Variants in ERC2 observed in about 807,000 individuals in gnomAD.
The protein encoded by ERC2 is ERC protein 2.
A neutral mutation model predicts 114.8 loss-of-function variants in ERC2; 42 were observed. The observed-to-expected ratio is 0.37, with a 90% CI of 0.29 to 0.47. The LOEUF (loss-of-function observed/expected upper bound fraction) is 0.47, where lower values mean the gene tolerates loss of function less well. ERC2 is among the 20% of genes least tolerant of loss of function. The pLI is 0.99. For synonymous variants in ERC2, 454 were observed against 425.5 expected (o/e 1.07, Z -0.82); for missense variants, 939 against 1,150.7 (o/e 0.82, Z 2.66).
chr3:55,903,943 G>A (rs2064283962), intron 13 of ERC2, among the ~76,000 whole-genome samples: 1 of 152,198 alleles, frequency 6.6e-6, no homozygotes, highest in Non-Finnish European at 1.5e-5. Context: ...TCAACAGCAG[G>A]AACAGAGGGC....
At chr3:55,896,015 C>CA (rs1488607701) in intron 13 of ERC2, among the ~76,000 whole-genome samples, 1 of 152,176 alleles carries the variant, frequency 6.6e-6, no homozygotes, top group Non-Finnish European at 1.5e-5. Flanking sequence ...CACAGAGACA[C>CA]AATAAAGATG....
At chr3:56,105,734 A>T (rs1239731660) in intron 6 of ERC2, among the ~76,000 whole-genome samples, 1 of 152,208 alleles carries the variant, frequency 6.6e-6, no homozygotes, top group Non-Finnish European at 1.5e-5. Context: ...CACAATCCAG[A>T]TAAGAATTGA....
At chr3:56,241,884 G>T (rs1237681168) in intron 3 of ERC2, among the ~76,000 whole-genome samples, 1 of 152,168 alleles carries the variant, frequency 6.6e-6, no homozygotes, top group Non-Finnish European at 1.5e-5. Flanking sequence ...TGTAAATAAA[G>T]CTGTATTTGA....
chr3:55,786,694 A>G (rs2069525804), intron 14 of ERC2, among the ~76,000 whole-genome samples: 1 of 152,196 alleles, frequency 6.6e-6, no homozygotes, highest in Non-Finnish European at 1.5e-5. Context: ...TCAACTCCAA[A>G]GTTCAGGTTC....
chr3:55,676,441 CTTATTATTATTA>C (rs71619901), intron 17 of ERC2, among the ~76,000 whole-genome samples: 24 of 142,198 alleles, frequency 1.7e-4, no homozygotes, highest in Non-Finnish European at 2.9e-4. Flanking sequence ...TACTGAGCTG[CTTATTATTATTA>C]TTATTATTAT....
intron 14 of ERC2, among the ~76,000 whole-genome samples, chr3:55,831,801 G>T (rs575211971): frequency 1.3e-5 from 2 of 152,326 alleles, no homozygotes; most frequent in African/African-American, 4.8e-5. Context: ...GCAGGGCGAG[G>T]CATTGCCTCA....
chr3:56,284,639 G>C (rs1221667568), intron 3 of ERC2, among the ~76,000 whole-genome samples: 3 of 152,104 alleles, frequency 2.0e-5, no homozygotes, highest in Non-Finnish European at 4.4e-5. Flanking sequence ...GAAAAGCAGG[G>C]ATGACAACCT....
At chr3:56,380,900 C>G (rs1260589209) in intron 2 of ERC2, among the ~76,000 whole-genome samples, 1 of 152,200 alleles carries the variant, frequency 6.6e-6, no homozygotes, top group Admixed American at 6.5e-5. Context: ...TGATAATTGA[C>G]CATCAAACTA....
intron 6 of ERC2, among the ~76,000 whole-genome samples, chr3:56,127,638 G>C (rs2149878004): frequency 6.6e-6 from 1 of 151,900 alleles, no homozygotes; most frequent in East Asian, 1.9e-4. Flanking sequence ...CAGGAGAATT[G>C]CTTGAACCCA....
intron 13 of ERC2, among the ~76,000 whole-genome samples, chr3:55,943,808 T>C (rs2066960448): frequency 6.6e-6 from 1 of 152,178 alleles, no homozygotes; most frequent in Admixed American, 6.5e-5. Context: ...CAGTTTATAG[T>C]CCAAGCTTCA....
intron 7 of ERC2, 35 bp downstream of exon 7, chr3:56,080,782 A>T (rs1482984728): frequency 6.3e-7 from 1 of 1,598,052 alleles, no homozygotes; most frequent in Non-Finnish European, 8.5e-7. Flanking sequence ...AACATGGATG[A>T]TACCCCACTT....
intron 14 of ERC2, among the ~76,000 whole-genome samples, chr3:55,873,949 A>C (rs2062707041): frequency 6.6e-6 from 1 of 152,200 alleles, no homozygotes; most frequent in Non-Finnish European, 1.5e-5. Context: ...TCAATAAATA[A>C]ATATTTGTTT....
At chr3:56,115,661 A>T (rs1187579375) in intron 6 of ERC2, among the ~76,000 whole-genome samples, 1 of 152,110 alleles carries the variant, frequency 6.6e-6, no homozygotes, top group Non-Finnish European at 1.5e-5. Flanking sequence ...CAAGGACCTG[A>T]GTGTATGAAT....
intron 3 of ERC2, among the ~76,000 whole-genome samples, chr3:56,290,757 G>A (rs2055030466): frequency 6.6e-6 from 1 of 152,158 alleles, no homozygotes; most frequent in Non-Finnish European, 1.5e-5. Flanking sequence ...TGCCTTGGTG[G>A]ATCTCCCACT....
intron 2 of ERC2, among the ~76,000 whole-genome samples, chr3:56,432,483 G>A (rs930872069): frequency 5.3e-5 from 8 of 152,186 alleles, no homozygotes; most frequent in Non-Finnish European, 5.9e-5. Context: ...AAATGATACC[G>A]AAGAGCATCA....
chr3:56,120,832 T>C (rs1490791698), intron 6 of ERC2, among the ~76,000 whole-genome samples: 1 of 152,228 alleles, frequency 6.6e-6, no homozygotes, highest in Non-Finnish European at 1.5e-5. Flanking sequence ...AGGTCCACCA[T>C]TTTGTTTGCC....
chr3:56,349,395 A>G (rs528521552), intron 2 of ERC2, among the ~76,000 whole-genome samples: 4 of 152,314 alleles, frequency 2.6e-5, no homozygotes, highest in African/African-American at 7.2e-5. Context: ...CAATTACCCA[A>G]TCTCTAAGAG....
chr3:55,808,741 AT>A lies in ERC2; in HGVS notation c.2565-73824del, dbSNP rs1559689658. 4.7e-3 allele frequency among the ~76,000 whole-genome samples: 472 copies of A among 101,290 alleles called. 6 individuals carry two copies. Among genetic ancestry groups the A allele is most frequent in the African/African-American group, 0.012 (279 of 24,198 alleles). The allele number at this position is 101,290 out of a possible 152,430, so 66.5% of individuals were successfully genotyped here. On this transcript the variant is annotated intron_variant, in intron 14 of 17. Transcript: ENST00000288221. ...TATATATATATATATATATATATAT[AT>A]AACGTATAACTAAACATATATATAT... is the stretch of plus-strand genomic sequence containing the variant.
chr3:56,357,574 G>A (rs1408625153), intron 2 of ERC2, among the ~76,000 whole-genome samples: 1 of 151,964 alleles, frequency 6.6e-6, no homozygotes, highest in Non-Finnish European at 1.5e-5. Context: ...GTGTCCACAG[G>A]AGAAAGTTAC....
Sources: gnomAD v4.1 joint callset for allele counts (sites outside exome capture counted in the v4.1 genomes callset) on GRCh38, gnomAD v4.1.1 for gene constraint, MANE v1.5 for transcripts, NCBI Gene and HGNC (gene_info 2026-07-23, HGNC 2026-07-21) for gene names.